CDH4: variants seen among roughly 807,000 people sequenced by gnomAD.
CDH4 encodes cadherin 4.
Under a neutral mutation model 86.0 loss-of-function variants are expected in CDH4, and 33 were observed. The observed-to-expected ratio is 0.38, with a 90% confidence interval of 0.29 to 0.51. The LOEUF (loss-of-function observed/expected upper bound fraction) is 0.51, where lower values mean the gene tolerates loss of function less well. Among genes scored for constraint, CDH4 ranks in the 20% least tolerant of loss-of-function variants. The pLI is 0.86. For missense variants in CDH4, 1,114 were observed against 1,307.4 expected (o/e 0.85, Z 2.28); for synonymous variants, 555 against 549.4 (o/e 1.01, Z -0.14).
At chr20:61,326,883 G>C (rs1242792160) in intron 2 of CDH4, among the ~76,000 whole-genome samples, 1 of 152,212 alleles carries the variant, frequency 6.6e-6, no homozygotes. Flanking sequence ...GACTCAGCAA[G>C]AGCCAGCTGT....
intron 2 of CDH4, among the ~76,000 whole-genome samples, chr20:61,620,202 A>ATGGATGGACGGATGGG (rs2086761994): frequency 7.0e-6 from 1 of 143,144 alleles, no homozygotes; most frequent in African/African-American, 2.8e-5. Context: ...GGATGGATGG[A>ATGGATGGACGGATGGG]TGGACAGACA....
rs552096760 is a variant in CDH4, at chr20:61,697,233, G to A, written c.170-46330G>A. Among the ~76,000 whole-genome samples the A allele has an allele frequency of 2.6e-5, 4 of 152,302 alleles. No homozygotes were observed. The South Asian group carries it at 8.3e-4, about 32-fold the overall frequency. ...GATGGAAAGGATGGAAGATGCTGAT[G>A]AGAAGCCCAGTTCATAGGGCCCACA... is the stretch of plus-strand genomic sequence containing the variant. On this transcript the variant is annotated intron_variant, in intron 2 of 15. Transcript: ENST00000614565.
chr20:61,533,467 A>G (rs1487399048), intron 2 of CDH4, among the ~76,000 whole-genome samples: 1 of 152,154 alleles, frequency 6.6e-6, no homozygotes, highest in African/African-American at 2.4e-5. Context: ...TGTCCTCCCT[A>G]GACAGGAAAG....
chr20:61,563,744 C>A (rs998338274), intron 2 of CDH4, among the ~76,000 whole-genome samples: 3 of 152,226 alleles, frequency 2.0e-5, no homozygotes, highest in Admixed American at 2.0e-4. Flanking sequence ...GGACAGCTCA[C>A]CTTTGCTGAG....
intron 9 of CDH4, among the ~76,000 whole-genome samples, chr20:61,914,835 A>C (rs568206070): frequency 6.6e-6 from 1 of 152,284 alleles, no homozygotes; most frequent in South Asian, 2.1e-4. Flanking sequence ...ACTGGGCACA[A>C]GGAGGAGCAA....
chr20:61,571,013 T>C (rs1050638024), intron 2 of CDH4, among the ~76,000 whole-genome samples: 2 of 151,766 alleles, frequency 1.3e-5, no homozygotes, highest in African/African-American at 2.4e-5. Flanking sequence ...ATGCAGAGAG[T>C]GTGGTGGATA....
chr20:61,419,228 G>A (rs1249387488), intron 2 of CDH4, among the ~76,000 whole-genome samples: 1 of 152,172 alleles, frequency 6.6e-6, no homozygotes, highest in African/African-American at 2.4e-5. Context: ...AGCAGGTGCA[G>A]CTGAGAGCAG....
At chr20:61,638,757 CA>C (rs1221527554) in intron 2 of CDH4, among the ~76,000 whole-genome samples, 2 of 152,140 alleles carry the variant, frequency 1.3e-5, no homozygotes, top group African/African-American at 4.8e-5. Flanking sequence ...AGATGCAATG[CA>C]AAACAGAGGT....
chr20:61,496,367 A>T (rs2085662718), intron 2 of CDH4, among the ~76,000 whole-genome samples: 1 of 151,706 alleles, frequency 6.6e-6, no homozygotes, highest in Non-Finnish European at 1.5e-5. Flanking sequence ...ACGCCACTGC[A>T]CTCCAGCCTG....
intron 7 of CDH4, among the ~76,000 whole-genome samples, chr20:61,889,303 T>C (rs1285701046): frequency 7.3e-5 from 11 of 150,162 alleles, no homozygotes; most frequent in Admixed American, 4.0e-4. Context: ...CATGGATGGA[T>C]GGATGGATGG....
At chr20:61,570,474 G>C in intron 2 of CDH4, 1 of 572,524 alleles carries the variant, frequency 1.7e-6, no homozygotes, top group South Asian at 2.1e-5. Flanking sequence ...TCTTCCCAGA[G>C]GCTGGGTCTC....
chr20:61,380,279 T>C (rs1465424480), intron 2 of CDH4, among the ~76,000 whole-genome samples: 2 of 152,200 alleles, frequency 1.3e-5, no homozygotes, highest in African/African-American at 4.8e-5. Flanking sequence ...CACATTTTAA[T>C]GTTTGCAGCT....
intron 4 of CDH4, among the ~76,000 whole-genome samples, chr20:61,832,475 G>T (rs1981668179): frequency 6.6e-6 from 1 of 152,192 alleles, no homozygotes; most frequent in African/African-American, 2.4e-5. Flanking sequence ...AGACTGGATA[G>T]TTTACAAAGG....
At chr20:61,859,636 C>T (rs954027777) in intron 6 of CDH4, among the ~76,000 whole-genome samples, 2 of 152,220 alleles carry the variant, frequency 1.3e-5, no homozygotes, top group Non-Finnish European at 2.9e-5. Context: ...ACTGCCCCAG[C>T]GCCATACATT....
intron 2 of CDH4, among the ~76,000 whole-genome samples, chr20:61,695,640 C>T (rs1401347998): frequency 1.6e-4 from 25 of 152,212 alleles, no homozygotes; most frequent in Admixed American, 1.6e-3. Context: ...GAGCAGTGAA[C>T]CCCTGGATCC....
chr20:61,504,193 G>A (rs771012186), intron 2 of CDH4, among the ~76,000 whole-genome samples: 20 of 152,218 alleles, frequency 1.3e-4, no homozygotes, highest in Non-Finnish European at 2.6e-4. Flanking sequence ...CTGTTCCAAC[G>A]GGGCTGGCTC....
At position 61,570,453 on chromosome 20, in the gene CDH4, C is replaced by T. The variant is rs1415453355; in HGVS notation, c.170-173110C>T. The T allele has an allele frequency of 1.6e-5, 9 of 549,648 alleles. No individual in the cohort carries two copies. The East Asian group carries it at 2.7e-4, about 17-fold the overall frequency. The allele number at this position is 549,648 out of a possible 1,614,324, so 34.0% of individuals were successfully genotyped here. A position where few individuals can be genotyped will look rare whatever the true frequency, so the allele number is the denominator to read the frequency against. On this transcript the variant is annotated intron_variant, in intron 2 of 15. Transcript: ENST00000614565. ...AGCCCTGGTGCTGCCTTGAGCTTGA[C>T]CCGAATTGCTTCTTCCCAGAGGCTG... is the stretch of plus-strand genomic sequence containing the variant.
rs545149426 is a variant in CDH4, at chr20:61,532,750, T to C, written c.170-210813T>C. On this transcript the variant is annotated intron_variant, in intron 2 of 15. Coordinates refer to ENST00000614565, the MANE Select transcript of CDH4 (RefSeq NM_001794.5). ...TTCTCTGGCCGGGTTCTAGGGGAGA[T>C]TGGGGAAGGTGTTTTGGCGGGATCA... Among the ~76,000 whole-genome samples, 5 of 151,978 alleles carry C rather than the reference T, an allele frequency of 3.3e-5. No individual in the cohort carries two copies. In the East Asian group the frequency reaches 7.8e-4, roughly 24 times the overall value.
At chr20:61,364,906 C>G (rs1024536448) in intron 2 of CDH4, among the ~76,000 whole-genome samples, 1 of 152,184 alleles carries the variant, frequency 6.6e-6, no homozygotes, top group African/African-American at 2.4e-5. Context: ...GGCCCTCTTG[C>G]AGAGTGGGGA....
Sources: allele counts gnomAD v4.1 joint callset (sites outside exome capture counted in the v4.1 genomes callset), GRCh38; gene constraint gnomAD v4.1.1; transcripts MANE v1.5; gene names NCBI Gene and HGNC (gene_info 2026-07-23, HGNC 2026-07-21).